HCN1: variants seen among roughly 807,000 people sequenced by gnomAD.
HCN1 encodes hyperpolarization activated cyclic nucleotide gated potassium channel 1.
In HCN1, 13 loss-of-function variants were observed where a neutral mutation model predicts 78.9. The ratio of observed to expected loss-of-function variants is 0.16; its 90% confidence interval spans 0.11 to 0.26. HCN1 has a LOEUF of 0.26. Among genes scored for constraint, HCN1 ranks in the 10% least tolerant of loss-of-function variants. The pLI is 1.00. For synonymous variants in HCN1, 552 were observed against 455.5 expected, an observed-to-expected ratio of 1.21 and a Z score of -2.70; for missense variants, 810 against 1,154.3, an observed-to-expected ratio of 0.70 and a Z score of 4.32.
At chr5:45,523,482 A>G (rs915129568) in intron 2 of HCN1, among the ~76,000 whole-genome samples, 35 of 152,104 alleles carry the variant, frequency 2.3e-4, no homozygotes, top group Admixed American at 2.2e-3. Context: ...CCAACAGTGT[A>G]AAAGTGTTCC....
chr5:45,328,907 G>T (rs1300970076), intron 5 of HCN1, among the ~76,000 whole-genome samples: 1 of 151,554 alleles, frequency 6.6e-6, no homozygotes, highest in Non-Finnish European at 1.5e-5. Flanking sequence ...CACACTTCAA[G>T]ACCTTCTGAG....
chr5:45,567,558 TACACACACACACACACAC>T (rs36230541), intron 2 of HCN1, among the ~76,000 whole-genome samples: 76 of 133,026 alleles, frequency 5.7e-4, no homozygotes, highest in Admixed American at 3.1e-4. Context: ...CATTTTAGGC[TACACACACACACACACAC>T]ACACACACAC....
intron 6 of HCN1, among the ~76,000 whole-genome samples, chr5:45,289,368 T>C (rs1297563735): frequency 6.6e-6 from 1 of 152,050 alleles, no homozygotes; most frequent in African/African-American, 2.4e-5. Context: ...CCTGGTTGCT[T>C]TCATGCAGTT....
At chr5:45,557,253 T>A (rs893856102) in intron 2 of HCN1, among the ~76,000 whole-genome samples, 1 of 152,082 alleles carries the variant, frequency 6.6e-6, no homozygotes, top group Non-Finnish European at 1.5e-5. Context: ...TTTTCTTCAA[T>A]GCAATACACA....
intron 2 of HCN1, among the ~76,000 whole-genome samples, chr5:45,515,932 A>C (rs1190312110): frequency 6.6e-6 from 1 of 152,020 alleles, no homozygotes; most frequent in African/African-American, 2.4e-5. Flanking sequence ...CTTTTCAGGA[A>C]AAAATACAAA....
intron 2 of HCN1, among the ~76,000 whole-genome samples, chr5:45,477,226 A>T (rs1375307760): frequency 6.6e-6 from 1 of 152,136 alleles, no homozygotes; most frequent in African/African-American, 2.4e-5. Context: ...ACCAAAAAAA[A>T]AATAGAGGTG....
Position 45,296,034 on chromosome 5 carries a change from G to C in HCN1, c.1618+7565C>G, listed in dbSNP as rs192245147. ...TTTTTCTGTAAACTGCCCATAAAAG[G>C]CTTGTGCTTCTGGTACCCTTGAGGT... On this transcript the variant is annotated intron_variant, in intron 6 of 7. Coordinates refer to ENST00000303230, the MANE Select transcript of HCN1 (RefSeq NM_021072.4). 3.9e-5 allele frequency among the ~76,000 whole-genome samples: 6 copies of C among 151,998 alleles called. No homozygotes were observed. In the East Asian group the frequency reaches 5.8e-4, roughly 15 times the overall value.
At chr5:45,295,605 C>T (rs1745473910) in intron 6 of HCN1, among the ~76,000 whole-genome samples, 1 of 152,018 alleles carries the variant, frequency 6.6e-6, no homozygotes. Context: ...TCAAGTTATG[C>T]ACAGAATTCA....
intron 5 of HCN1, among the ~76,000 whole-genome samples, chr5:45,310,186 G>C (rs1409117870): frequency 6.6e-6 from 1 of 152,062 alleles, no homozygotes; most frequent in East Asian, 1.9e-4. Flanking sequence ...AAACTAAAGA[G>C]CTTCTACACA....
chr5:45,401,920 G>T (rs1032358677), intron 3 of HCN1, among the ~76,000 whole-genome samples: 2 of 151,948 alleles, frequency 1.3e-5, no homozygotes, highest in African/African-American at 4.8e-5. Context: ...TAAAAAACAA[G>T]GACCATCTCA....
rs1241062117 is a variant in HCN1 at position 45,259,846 on chromosome 5, T to C, written c.*2075A>G. 1 of 152,602 alleles carries C rather than the reference T, an allele frequency of 6.6e-6. No individual in the cohort carries two copies. Among genetic ancestry groups the C allele is most frequent in the African/African-American group, 2.4e-5 (1 of 41,460 alleles). 9.5% of individuals were successfully genotyped at this position (152,602 alleles called of 1,614,324 possible). The stretch of plus-strand genomic sequence containing the variant: ...CTTAATAAATTGAAGTTAATTCTCA[T>C]ATTTTAATAAAATAAAGGAGTTTTG... On this transcript the variant is annotated 3_prime_UTR_variant, in exon 8 of 8. Coordinates refer to ENST00000303230, the MANE Select transcript of HCN1 (RefSeq NM_021072.4).
intron 3 of HCN1, among the ~76,000 whole-genome samples, chr5:45,461,446 T>C (rs948131988): frequency 6.6e-6 from 1 of 152,142 alleles, no homozygotes; most frequent in African/African-American, 2.4e-5. Context: ...TTTGCATGTT[T>C]TACAATCCCT....
chr5:45,646,612 A>G (rs955724788), intron 1 of HCN1, among the ~76,000 whole-genome samples: 213 of 152,154 alleles, frequency 1.4e-3, no homozygotes, highest in African/African-American at 4.9e-3. Flanking sequence ...AAATATTCTT[A>G]TCTCAACTTA....
chr5:45,347,733 G>A (rs1199937447), intron 5 of HCN1, among the ~76,000 whole-genome samples: 1 of 152,182 alleles, frequency 6.6e-6, no homozygotes, highest in Non-Finnish European at 1.5e-5. Context: ...AGCCTCAGGA[G>A]CCGATGCGAT....
chr5:45,503,407 A>G (rs1742230091), intron 2 of HCN1, among the ~76,000 whole-genome samples: 1 of 152,148 alleles, frequency 6.6e-6, no homozygotes, highest in East Asian at 1.9e-4. Context: ...AAAGAAAGAA[A>G]CAGAGACACA....
rs928228206 is a variant in HCN1 at position 45,536,570 on chromosome 5, G to C, written c.850-74563C>G. 5.9e-5 allele frequency among the ~76,000 whole-genome samples: 9 copies of C among 152,064 alleles called. No homozygotes were observed. In the East Asian group the frequency reaches 1.7e-3, roughly 29 times the overall value. ...TCTTTGTTGAGATTAAATTCTGTGT[G>C]TATTCATTATATTCCTTTTTCCCAT... is the stretch of plus-strand genomic sequence containing the variant. On this transcript the variant is annotated intron_variant, in intron 2 of 7. Transcript: ENST00000303230.
chr5:45,595,877 T>C (rs1165306245), intron 2 of HCN1, among the ~76,000 whole-genome samples: 2 of 151,958 alleles, frequency 1.3e-5, no homozygotes, highest in African/African-American at 4.8e-5. Context: ...GAGTGTTAAC[T>C]GTACTTTGGA....
chr5:45,597,076 A>G (rs1468952638), intron 2 of HCN1, among the ~76,000 whole-genome samples: 1 of 152,212 alleles, frequency 6.6e-6, no homozygotes, highest in Non-Finnish European at 1.5e-5. Flanking sequence ...TGAGGCCAGC[A>G]TCATCCTGAT....
At chr5:45,507,796 T>C (rs1041667876) in intron 2 of HCN1, among the ~76,000 whole-genome samples, 5 of 152,134 alleles carry the variant, frequency 3.3e-5, no homozygotes, top group African/African-American at 1.2e-4. Flanking sequence ...AAATTCTTAT[T>C]AATGAAAAAT....
Sources: gnomAD v4.1 joint callset for allele counts (sites outside exome capture counted in the v4.1 genomes callset) on GRCh38, gnomAD v4.1.1 for gene constraint, MANE v1.5 for transcripts, NCBI Gene and HGNC (gene_info 2026-07-23, HGNC 2026-07-21) for gene names.